Variants in GLI3 observed in about 807,000 individuals in gnomAD.
GLI3 encodes the protein GLI family zinc finger 3.
In GLI3, 20 loss-of-function variants were observed where a neutral mutation model predicts 100.8. That is an observed-to-expected ratio of 0.20 (90% CI 0.14 to 0.29). The LOEUF is 0.29. GLI3 is among the 10% of genes least tolerant of loss of function. GLI3 has a pLI of 1.00. For missense variants in GLI3, 2,040 were observed against 2,128.5 expected (o/e 0.96, Z 0.82); for synonymous variants, 938 against 860.5 (o/e 1.09, Z -1.58).
intron 10 of GLI3, among the ~76,000 whole-genome samples, chr7:41,983,626 T>C (rs1787734070): frequency 6.6e-6 from 1 of 152,106 alleles, no homozygotes; most frequent in Admixed American, 6.6e-5. Context: ...TCCAAACTAA[T>C]CCAACACATA....
intron 10 of GLI3, among the ~76,000 whole-genome samples, chr7:42,021,001 T>C (rs893379274): frequency 1.3e-5 from 2 of 151,784 alleles, no homozygotes; most frequent in Non-Finnish European, 2.9e-5. Context: ...ATCAACATAA[T>C]ACAAAGCACC....
chr7:42,144,462 C>A (rs989420474), intron 3 of GLI3, among the ~76,000 whole-genome samples: 5 of 152,114 alleles, frequency 3.3e-5, no homozygotes, highest in Non-Finnish European at 5.9e-5. Flanking sequence ...AGAATACCCC[C>A]GTATCCCCCC....
chr7:42,185,385 G>A (rs535916807), intron 2 of GLI3, among the ~76,000 whole-genome samples: 5 of 152,218 alleles, frequency 3.3e-5, no homozygotes, highest in East Asian at 1.9e-4. Context: ...ATGCTCTCCC[G>A]CATCTTTTTC....
At chr7:42,055,447 G>A (rs1017874780) in intron 4 of GLI3, among the ~76,000 whole-genome samples, 1 of 152,040 alleles carries the variant, frequency 6.6e-6, no homozygotes, top group Non-Finnish European at 1.5e-5. Context: ...GCAGGAGATG[G>A]CAGGAAGGGA....
intron 2 of GLI3, among the ~76,000 whole-genome samples, chr7:42,177,810 C>T (rs764473602): frequency 1.4e-4 from 22 of 152,204 alleles, no homozygotes; most frequent in African/African-American, 3.4e-4. Context: ...GTCTCCTCGA[C>T]GGGCTCGTCC....
At chr7:42,146,193 T>C (rs1004979816) in intron 3 of GLI3, among the ~76,000 whole-genome samples, 3 of 152,180 alleles carry the variant, frequency 2.0e-5, no homozygotes, top group Non-Finnish European at 4.4e-5. Flanking sequence ...TGGACAATAT[T>C]GTGGGAGAAT....
intron 7 of GLI3, among the ~76,000 whole-genome samples, chr7:42,030,695 T>G (rs542681331): frequency 1.6e-5 from 2 of 122,186 alleles, no homozygotes; most frequent in South Asian, 2.3e-4. Flanking sequence ...ATTGTTGATT[T>G]GTTTTTTTTT....
chr7:42,183,874 T>C (rs1787667846), intron 2 of GLI3, among the ~76,000 whole-genome samples: 1 of 152,060 alleles, frequency 6.6e-6, no homozygotes, highest in Non-Finnish European at 1.5e-5. Flanking sequence ...CTGCCCCACA[T>C]GTTGACCAGG....
chr7:42,240,681 C>T (rs1788915619), upstream of GLI3, among the ~76,000 whole-genome samples: 1 of 152,160 alleles, frequency 6.6e-6, no homozygotes, highest in Admixed American at 6.5e-5. Context: ...TCCAGAATGA[C>T]CTCATCTTAA....
At chr7:42,173,869 T>C (rs895835241) in intron 2 of GLI3, among the ~76,000 whole-genome samples, 1 of 152,356 alleles carries the variant, frequency 6.6e-6, no homozygotes, top group African/African-American at 2.4e-5. Context: ...TTTACACTTT[T>C]AGTCATTTTA....
rs570822174 is a variant in GLI3, at chr7:42,211,696, T to C, written c.124+11434A>G. Among the ~76,000 whole-genome samples the C allele has an allele frequency of 2.6e-5, 4 of 152,126 alleles. No homozygotes were observed. In the South Asian group the frequency reaches 8.3e-4, roughly 32 times the overall value. The stretch of plus-strand genomic sequence containing the variant: ...CAAAAAATATTCTGTGAAAGGGGAG[T>C]CTTCGACATTAACTAAGCCTAGTAT... On this transcript the variant is annotated intron_variant, in intron 2 of 14. Transcript: ENST00000395925.
At chr7:42,058,539 T>G (rs1223388821) in intron 4 of GLI3, among the ~76,000 whole-genome samples, 2 of 152,208 alleles carry the variant, frequency 1.3e-5, no homozygotes, top group African/African-American at 4.8e-5. Context: ...GCTTTAAAGG[T>G]AACATAAATA....
At chr7:42,244,982 T>C (rs1788957686) in intron 1 of GLI3, among the ~76,000 whole-genome samples, 1 of 152,238 alleles carries the variant, frequency 6.6e-6, no homozygotes, top group Admixed American at 6.5e-5. Context: ...TTGTACCATG[T>C]TCTGGAGCAG....
In GLI3 at chr7:42,120,958, T is replaced by A. The variant is rs371434711; in HGVS notation, c.367+27268A>T. Among the ~76,000 whole-genome samples, 287 of 152,288 alleles carry A rather than the reference T, an allele frequency of 1.9e-3. 1 individual carries two copies. Among genetic ancestry groups the A allele is most frequent in the African/African-American group, 6.1e-3 (254 of 41,564 alleles). On this transcript the variant is annotated intron_variant, in intron 3 of 14. Coordinates refer to ENST00000395925, the MANE Select transcript of GLI3 (RefSeq NM_000168.6). ...GATATAAAATGACAGGCTCAGAAAGTTACAGCTTAATAAGAGAATGACTTA... is the reference window on the plus strand; with the variant it reads ...GATATAAAATGACAGGCTCAGAAAGATACAGCTTAATAAGAGAATGACTTA...
At chr7:42,162,159 C>A (rs1583611280) in intron 2 of GLI3, among the ~76,000 whole-genome samples, 1 of 152,226 alleles carries the variant, frequency 6.6e-6, no homozygotes, top group South Asian at 2.1e-4. Context: ...TAGGTAAAGG[C>A]CATGGAGAGG....
chr7:42,148,181 C>T, intron 3 of GLI3, 45 bp downstream of exon 3: 1 of 1,559,018 alleles, frequency 6.4e-7, no homozygotes, highest in Non-Finnish European at 8.7e-7. Context: ...ACACACAGCC[C>T]TCCCCATAGC....
chr7:42,166,157 A>C (rs1179612008), intron 2 of GLI3, among the ~76,000 whole-genome samples: 1 of 152,138 alleles, frequency 6.6e-6, no homozygotes, highest in African/African-American at 2.4e-5. Context: ...CCATCTTCTG[A>C]GCCTGCTCAA....
At chr7:42,256,075 TTA>T (rs1491477504) in intron 1 of GLI3, among the ~76,000 whole-genome samples, 5 of 152,204 alleles carry the variant, frequency 3.3e-5, no homozygotes, top group African/African-American at 1.2e-4. Flanking sequence ...GAGCATCTTT[TTA>T]TGTGTTCATT....
chr7:42,114,842 C>G (rs751735068), intron 3 of GLI3, among the ~76,000 whole-genome samples: 1 of 151,832 alleles, frequency 6.6e-6, no homozygotes, highest in Non-Finnish European at 1.5e-5. Context: ...GTTGGGACTA[C>G]AGGCATGCAC....
Sources: allele counts gnomAD v4.1 joint callset (sites outside exome capture counted in the v4.1 genomes callset), GRCh38; gene constraint gnomAD v4.1.1; transcripts MANE v1.5; gene names NCBI Gene and HGNC (gene_info 2026-07-23, HGNC 2026-07-21).